NRXN3: variants seen among roughly 807,000 people sequenced by gnomAD.
NRXN3 encodes the protein neurexin 3.
NRXN3 carries 32 observed loss-of-function variants against 137.6 expected under a neutral mutation model. That is an observed-to-expected ratio of 0.23 (90% CI 0.18 to 0.31). NRXN3 has a LOEUF of 0.31. Among genes scored for constraint, NRXN3 ranks in the 10% least tolerant of loss-of-function variants. The pLI is 1.00. For missense variants in NRXN3, 1,574 were observed against 2,062.5 expected, an observed-to-expected ratio of 0.76 and a Z score of 4.59; for synonymous variants, 798 against 784.5, an observed-to-expected ratio of 1.02 and a Z score of -0.29.
intron 8 of NRXN3, among the ~76,000 whole-genome samples, chr14:78,749,007 G>T: frequency 6.6e-6 from 1 of 152,140 alleles, no homozygotes; most frequent in East Asian, 1.9e-4. Context: ...ACCCAACTCA[G>T]AAATGCCTTT....
chr14:79,662,165 A>G (rs896621513), intron 16 of NRXN3, among the ~76,000 whole-genome samples: 1 of 152,116 alleles, frequency 6.6e-6, no homozygotes, highest in African/African-American at 2.4e-5. Flanking sequence ...TTCATAAATT[A>G]CCCAGTCTCA....
intron 8 of NRXN3, among the ~76,000 whole-genome samples, chr14:78,769,545 A>C (rs974471199): frequency 2.0e-5 from 3 of 152,236 alleles, no homozygotes; most frequent in Non-Finnish European, 4.4e-5. Context: ...CACTGCAAAG[A>C]TAGAGCCTAT....
intron 10 of NRXN3, among the ~76,000 whole-genome samples, chr14:78,848,917 A>C (rs2152476362): frequency 6.6e-6 from 1 of 152,244 alleles, no homozygotes; most frequent in South Asian, 2.1e-4. Flanking sequence ...AATGAAAGTG[A>C]ACGTTTGAAA....
intron 8 of NRXN3, 130 bp from the exon 9 acceptor site, chr14:78,803,490 G>T: frequency 3.8e-6 from 3 of 785,268 alleles, no homozygotes; most frequent in South Asian, 1.5e-5. Context: ...TAACAACAAG[G>T]GTTCATCAAA....
chr14:78,859,995 A>T (rs1368330544), intron 10 of NRXN3, among the ~76,000 whole-genome samples: 1 of 152,170 alleles, frequency 6.6e-6, no homozygotes, highest in African/African-American at 2.4e-5. Flanking sequence ...TCTAAAACTC[A>T]AAAGTTTTGG....
intron 15 of NRXN3, among the ~76,000 whole-genome samples, chr14:79,210,925 T>C (rs1357915885): frequency 3.3e-5 from 5 of 152,150 alleles, no homozygotes; most frequent in Non-Finnish European, 7.4e-5. Flanking sequence ...TTTTTCTCTT[T>C]TCTGTTTTAA....
chr14:78,602,091 C>A (rs1351881955), intron 4 of NRXN3, among the ~76,000 whole-genome samples: 1 of 152,166 alleles, frequency 6.6e-6, no homozygotes, highest in Non-Finnish European at 1.5e-5. Flanking sequence ...GAGATGGGCG[C>A]TGACCTGTAG....
intron 16 of NRXN3, among the ~76,000 whole-genome samples, chr14:79,607,819 C>T (rs12147590): frequency 0.13 from 19,695 of 151,878 alleles, 1,632 homozygotes; most frequent in Admixed American, 0.2. Context: ...GCTGGAACTA[C>T]AGGCATGTGC....
At chr14:78,447,921 A>G (rs1053116435) in intron 4 of NRXN3, among the ~76,000 whole-genome samples, 1 of 152,232 alleles carries the variant, frequency 6.6e-6, no homozygotes, top group Non-Finnish European at 1.5e-5. Flanking sequence ...AAAATGTACC[A>G]GTAGTTGTCA....
intron 15 of NRXN3, among the ~76,000 whole-genome samples, chr14:79,297,743 G>A (rs917456934): frequency 2.6e-5 from 4 of 152,034 alleles, no homozygotes; most frequent in African/African-American, 9.7e-5. Context: ...TTTCCAAGTG[G>A]GGCTCAGAAT....
Position 79,686,877 on chromosome 14 carries a change from G to A in NRXN3, c.3617-5296G>A, listed in dbSNP as rs570055045. Among the ~76,000 whole-genome samples the A allele has an allele frequency of 6.6e-5, 10 of 152,294 alleles. No individual in the cohort carries two copies. The East Asian group carries it at 9.7e-4, about 15-fold the overall frequency. On this transcript the variant is annotated intron_variant, in intron 17 of 20. Transcript: ENST00000335750. ...GAACATATCCAGAAGACATGTAGAG[G>A]TGAGCTTTATCAGCCAACTTGGTGT...
chr14:78,419,234 AT>A (rs1053893487), intron 4 of NRXN3, among the ~76,000 whole-genome samples: 1 of 151,856 alleles, frequency 6.6e-6, no homozygotes, highest in Non-Finnish European at 1.5e-5. Context: ...CAACTTTTTA[AT>A]TTTTTTATTT....
intron 15 of NRXN3, among the ~76,000 whole-genome samples, chr14:79,342,716 C>G (rs1353285753): frequency 6.6e-6 from 1 of 152,192 alleles, no homozygotes. Flanking sequence ...GTGCTAGAAA[C>G]AGCAAATCTG....
chr14:79,048,142 T>C (rs1036453300), intron 15 of NRXN3, among the ~76,000 whole-genome samples: 3 of 152,180 alleles, frequency 2.0e-5, no homozygotes, highest in Non-Finnish European at 4.4e-5. Context: ...ATACAGTATA[T>C]TTTTGTGGAG....
chr14:79,426,741 G>A (rs2095660083), intron 15 of NRXN3, among the ~76,000 whole-genome samples: 1 of 152,208 alleles, frequency 6.6e-6, no homozygotes, highest in African/African-American at 2.4e-5. Flanking sequence ...GACTGTCATG[G>A]GGAGGGACGG....
chr14:79,733,196 A>AT (rs1327051299), intron 19 of NRXN3, among the ~76,000 whole-genome samples: 54 of 152,320 alleles, frequency 3.5e-4, no homozygotes, highest in African/African-American at 1.2e-3. Context: ...CTGATGATAA[A>AT]TTTTTTTAAA....
chr14:79,724,544 G>A (rs895231806), intron 19 of NRXN3, among the ~76,000 whole-genome samples: 2 of 152,086 alleles, frequency 1.3e-5, no homozygotes, highest in African/African-American at 4.8e-5. Flanking sequence ...AGTGAGCAGA[G>A]GCCACAGATG....
At chr14:79,193,998 A>G (rs2153188557) in intron 15 of NRXN3, among the ~76,000 whole-genome samples, 1 of 152,360 alleles carries the variant, frequency 6.6e-6, no homozygotes, top group African/African-American at 2.4e-5. Context: ...GAAACTTGAA[A>G]ATCAGAAGTG....
At chr14:79,494,278 C>T (rs1247319200) in intron 16 of NRXN3, among the ~76,000 whole-genome samples, 2 of 152,178 alleles carry the variant, frequency 1.3e-5, no homozygotes, top group Non-Finnish European at 2.9e-5. Context: ...ATGGATTAGA[C>T]TTTCTTCATT....
Sources: allele counts gnomAD v4.1 joint callset (sites outside exome capture counted in the v4.1 genomes callset), GRCh38; gene constraint gnomAD v4.1.1; transcripts MANE v1.5; gene names NCBI Gene and HGNC (gene_info 2026-07-23, HGNC 2026-07-21).